NRXN1: variants seen among roughly 807,000 people sequenced by gnomAD.
NRXN1 encodes neurexin-1.
NRXN1 carries 39 observed loss-of-function variants against 150.9 expected under a neutral mutation model. The observed-to-expected ratio is 0.26, with a 90% CI of 0.20 to 0.34. NRXN1 has a LOEUF of 0.34. NRXN1 is among the 10% of genes least tolerant of loss of function. The pLI is 1.00. For synonymous variants in NRXN1, 924 were observed against 757.0 expected, an observed-to-expected ratio of 1.22 and a Z score of -3.62; for missense variants, 1,815 against 1,949.9, an observed-to-expected ratio of 0.93 and a Z score of 1.30.
intron 5 of NRXN1, among the ~76,000 whole-genome samples, chr2:50,807,327 G>A (rs928119602): frequency 6.6e-6 from 1 of 152,062 alleles, no homozygotes; most frequent in Non-Finnish European, 1.5e-5. Context: ...CCACTCAAGG[G>A]ATCAACTAAC....
chr2:50,952,067 T>C (rs1182599427), intron 2 of NRXN1, among the ~76,000 whole-genome samples: 2 of 146,854 alleles, frequency 1.4e-5, no homozygotes, highest in Non-Finnish European at 3.0e-5. Context: ...CCCGGGTTCA[T>C]GCCATTCTCC....
intron 21 of NRXN1, among the ~76,000 whole-genome samples, chr2:49,991,810 T>C (rs1682014209): frequency 6.6e-6 from 1 of 152,168 alleles, no homozygotes; most frequent in African/African-American, 2.4e-5. Context: ...AAGAACAAAG[T>C]TGAAGGACTG....
chr2:50,062,419 T>C (rs1694684426), intron 19 of NRXN1, among the ~76,000 whole-genome samples: 1 of 152,190 alleles, frequency 6.6e-6, no homozygotes, highest in Non-Finnish European at 1.5e-5. Context: ...TTGTACTTCC[T>C]AGTCTTCCGA....
At chr2:50,852,966 T>C (rs1674728181) in intron 5 of NRXN1, among the ~76,000 whole-genome samples, 1 of 152,166 alleles carries the variant, frequency 6.6e-6, no homozygotes, top group Non-Finnish European at 1.5e-5. Flanking sequence ...CAGCTGTTAA[T>C]CCCAAAACTC....
chr2:50,483,209 T>C (rs762503215), intron 15 of NRXN1, among the ~76,000 whole-genome samples: 3 of 152,062 alleles, frequency 2.0e-5, no homozygotes, highest in African/African-American at 7.2e-5. Context: ...ACAAATGCCA[T>C]GTCAACGTCA....
intron 8 of NRXN1, among the ~76,000 whole-genome samples, chr2:50,582,668 GA>G (rs70948720): frequency 0.38 from 53,317 of 139,722 alleles, 11,056 homozygotes; most frequent in African/African-American, 0.59. Flanking sequence ...GGATCTGCCA[GA>G]AAAAAAAAAA....
intron 2 of NRXN1, among the ~76,000 whole-genome samples, chr2:50,938,582 T>G (rs1233609914): frequency 6.6e-6 from 1 of 152,196 alleles, no homozygotes; most frequent in Non-Finnish European, 1.5e-5. Flanking sequence ...GATATCAATT[T>G]TCTGTATTAG....
chr2:50,897,277 G>C, intron 5 of NRXN1, among the ~76,000 whole-genome samples: 1 of 152,158 alleles, frequency 6.6e-6, no homozygotes, highest in East Asian at 1.9e-4. Flanking sequence ...ACGTCGTACT[G>C]TGACTGGCAT....
intron 18 of NRXN1, among the ~76,000 whole-genome samples, chr2:50,204,186 G>A (rs560832942): frequency 1.2e-3 from 187 of 152,216 alleles, no homozygotes; most frequent in African/African-American, 4.3e-3. Flanking sequence ...CACTCAAATT[G>A]TAGAGCTGGG....
chr2:50,884,698 G>C (rs1679956033), intron 5 of NRXN1, among the ~76,000 whole-genome samples: 1 of 151,486 alleles, frequency 6.6e-6, no homozygotes, highest in South Asian at 2.1e-4. Context: ...CTCTATGATA[G>C]TTTGAAACTC....
chr2:50,746,559 A>AAACAAC (rs77543976), intron 5 of NRXN1, among the ~76,000 whole-genome samples: 116 of 149,176 alleles, frequency 7.8e-4, no homozygotes, highest in Middle Eastern at 3.4e-3. Context: ...CCCTGTCTCA[A>AAACAAC]AACAACAACA....
intron 5 of NRXN1, among the ~76,000 whole-genome samples, chr2:50,657,496 T>A (rs1686664108): frequency 6.6e-6 from 1 of 152,028 alleles, no homozygotes; most frequent in African/African-American, 2.4e-5. Flanking sequence ...GATCTTCATT[T>A]TTTGTTTGTT....
At chr2:50,746,784 C>T (rs929806380) in intron 5 of NRXN1, among the ~76,000 whole-genome samples, 2 of 152,132 alleles carry the variant, frequency 1.3e-5, no homozygotes, top group Middle Eastern at 3.4e-3. Context: ...ATTTCAAGGG[C>T]GGGACCAAAT....
At chr2:50,955,715 C>G (rs1692173629) in intron 2 of NRXN1, among the ~76,000 whole-genome samples, 1 of 152,180 alleles carries the variant, frequency 6.6e-6, no homozygotes, top group Non-Finnish European at 1.5e-5. Flanking sequence ...TACAGTGAAG[C>G]TGCCTTTCTT....
chr2:50,998,854 G>GT (rs1200402903), intron 2 of NRXN1, among the ~76,000 whole-genome samples: 2 of 151,974 alleles, frequency 1.3e-5, no homozygotes. Context: ...CTTGATAAAT[G>GT]TTTTTTAAAA....
At chr2:50,225,455 A>T (rs1027761762) in intron 18 of NRXN1, among the ~76,000 whole-genome samples, 1 of 151,878 alleles carries the variant, frequency 6.6e-6, no homozygotes, top group African/African-American at 2.4e-5. Flanking sequence ...CTACAAGGAC[A>T]TATAAAGACA....
intron 11 of NRXN1, among the ~76,000 whole-genome samples, chr2:50,530,872 G>A (rs1246078331): frequency 1.3e-5 from 2 of 152,222 alleles, no homozygotes; most frequent in Admixed American, 1.3e-4. Flanking sequence ...TTATCTGCAA[G>A]GATGTCACCT....
intron 5 of NRXN1, among the ~76,000 whole-genome samples, chr2:50,774,579 C>A (rs1036034161): frequency 6.6e-6 from 1 of 152,006 alleles, no homozygotes. Flanking sequence ...ATACTTTATA[C>A]AAATATTAAA....
At chr2:50,545,335 A>C (rs2093471350) in intron 9 of NRXN1, among the ~76,000 whole-genome samples, 1 of 152,186 alleles carries the variant, frequency 6.6e-6, no homozygotes, top group Non-Finnish European at 1.5e-5. Flanking sequence ...ATATCAATCA[A>C]ATAACATTCT....
Sources: allele counts gnomAD v4.1 joint callset (sites outside exome capture counted in the v4.1 genomes callset), GRCh38; gene constraint gnomAD v4.1.1; transcripts MANE v1.5; gene names NCBI Gene and HGNC (gene_info 2026-07-23, HGNC 2026-07-21).